PTPN3: variants seen among roughly 807,000 people sequenced by gnomAD.
The protein encoded by PTPN3 is tyrosine-protein phosphatase non-receptor type 3.
PTPN3 carries 96 observed loss-of-function variants against 132.7 expected under a neutral mutation model. The ratio of observed to expected loss-of-function variants is 0.72; its 90% confidence interval spans 0.61 to 0.86. PTPN3 has a LOEUF of 0.86. PTPN3 is among the 40% of genes least tolerant of loss of function. The probability of loss-of-function intolerance (pLI) is 0.00; values close to 1 mark genes in which losing one functional copy is unlikely to be tolerated. For synonymous variants in PTPN3, 398 were observed against 429.0 expected (o/e 0.93, Z 0.89); for missense variants, 1,125 against 1,159.6 (o/e 0.97, Z 0.43).
rs1838609698 is a variant in PTPN3 at position 109,376,998 on chromosome 9, C to T, written c.*2558G>A. On this transcript the variant is annotated 3_prime_UTR_variant, in exon 26 of 26. Transcript: ENST00000374541. ...GACCGTAATGGCTGCATTTCTGCAA[C>T]CATAATAAACAATTTGTTTTTGGAA... 1 of 152,152 alleles carries T rather than the reference C, an allele frequency of 6.6e-6. No homozygotes were observed. The highest frequency in any genetic ancestry group is 2.4e-5 in the African/African-American group (1 of 41,416). 9.4% of individuals were successfully genotyped at this position (152,152 alleles called of 1,614,324 possible).
chr9:109,432,945 G>A, intron 10 of PTPN3, 128 bp downstream of exon 10: 2 of 1,431,042 alleles, frequency 1.4e-6, no homozygotes, highest in South Asian at 3.1e-5. Flanking sequence ...AGAGGTCAGA[G>A]TAAAACTCGG....
At chr9:109,417,428 T>A (rs529130735) in intron 14 of PTPN3, among the ~76,000 whole-genome samples, 1 of 152,374 alleles carries the variant, frequency 6.6e-6, no homozygotes, top group Admixed American at 6.5e-5. Context: ...ATCCGATTTC[T>A]CTGACAGAAT....
the PTPN3 span, chr9:109,533,954 A>C: frequency 1.3e-6 from 1 of 757,048 alleles, no homozygotes; most frequent in East Asian, 2.4e-5. Flanking sequence ...ACCAGGACCT[A>C]TAACATGTGC....
chr9:109,489,934 C>T (rs112049103), intron 1 of PTPN3, among the ~76,000 whole-genome samples: 1,629 of 152,200 alleles, frequency 0.011, 28 homozygotes, highest in African/African-American at 0.037. Flanking sequence ...ATAATCCCAG[C>T]ACTTTGGGAG....
intron 10 of PTPN3, among the ~76,000 whole-genome samples, chr9:109,431,278 T>C (rs763874638): frequency 2.6e-5 from 4 of 152,246 alleles, no homozygotes; most frequent in African/African-American, 9.6e-5. Context: ...GCAGTGACCT[T>C]GTGGGACCCA....
At chr9:109,525,295 C>T in the PTPN3 span, among the ~76,000 whole-genome samples, 3 of 151,832 alleles carry the variant, frequency 2.0e-5, no homozygotes, top group Non-Finnish European at 4.4e-5. Flanking sequence ...TGAGCTCAAG[C>T]GATCCTCCCA....
chr9:109,433,834 G>T (rs1416865344), intron 9 of PTPN3, among the ~76,000 whole-genome samples: 1 of 151,138 alleles, frequency 6.6e-6, no homozygotes, highest in Non-Finnish European at 1.5e-5. Flanking sequence ...CTTAAGCCTG[G>T]GAAGTTGAGG....
intron 13 of PTPN3, among the ~76,000 whole-genome samples, chr9:109,420,878 G>C (rs1203511269): frequency 6.6e-6 from 1 of 152,110 alleles, no homozygotes; most frequent in Non-Finnish European, 1.5e-5. Flanking sequence ...GGAAGTGACG[G>C]GTATTGACTT....
At chr9:109,454,065 T>G (rs924526071) in intron 5 of PTPN3, among the ~76,000 whole-genome samples, 1 of 152,182 alleles carries the variant, frequency 6.6e-6, no homozygotes, top group Non-Finnish European at 1.5e-5. Context: ...TCTTGTTATC[T>G]TCAAGAGCCT....
chr9:109,435,399 G>A (rs1843972237), intron 9 of PTPN3, among the ~76,000 whole-genome samples: 1 of 152,180 alleles, frequency 6.6e-6, no homozygotes, highest in East Asian at 1.9e-4. Context: ...GCAGCTTCCT[G>A]TTCCCTTGTG....
chr9:109,464,521 T>A (rs1045521511), intron 1 of PTPN3, among the ~76,000 whole-genome samples: 1 of 152,180 alleles, frequency 6.6e-6, no homozygotes, highest in Non-Finnish European at 1.5e-5. Context: ...TTTACCTATA[T>A]AACAAACCTG....
the PTPN3 span, among the ~76,000 whole-genome samples, chr9:109,528,436 T>G: frequency 0.86 from 131,358 of 152,222 alleles, 56,759 homozygotes; most frequent in South Asian, 0.94. Context: ...CAATGAAGAG[T>G]ACCGATCTCA....
chr9:109,515,498 T>A, the PTPN3 span, among the ~76,000 whole-genome samples: 1 of 152,222 alleles, frequency 6.6e-6, no homozygotes, highest in Admixed American at 6.5e-5. Context: ...CCTGAGTTTG[T>A]CTTTTCCTTG....
intron 5 of PTPN3, chr9:109,450,504 C>T: frequency 1.0e-6 from 1 of 984,878 alleles, no homozygotes; most frequent in Non-Finnish European, 1.2e-6. Context: ...CACCACTCAC[C>T]AAATGCTGCC....
chr9:109,534,185 C>G, the PTPN3 span: 1 of 1,019,470 alleles, frequency 9.8e-7, no homozygotes. Context: ...TTGTCCCCGC[C>G]GGCAGGTGCT....
intron 14 of PTPN3, among the ~76,000 whole-genome samples, chr9:109,411,499 G>A (rs1842077173): frequency 6.6e-6 from 1 of 151,962 alleles, no homozygotes; most frequent in Non-Finnish European, 1.5e-5. Context: ...AGCCCCTTCC[G>A]GAGCCACAGG....
In PTPN3 at chr9:109,389,365, A is replaced by G; in HGVS notation, c.2121T>C (p.Ala707=). The G allele has an allele frequency of 6.2e-7, 1 of 1,613,602 alleles. No individual in the cohort carries two copies. The highest frequency in any genetic ancestry group is 8.5e-7 in the Non-Finnish European group (1 of 1,179,772). ...CGATGTACTTGTTCACAAGGTTAGCAGCAGGAATTTCCATCTGGTAAGAAA... is the reference window on the plus strand; with the variant it reads ...CGATGTACTTGTTCACAAGGTTAGCGGCAGGAATTTCCATCTGGTAAGAAA... ...NASYVNMEIP[A]ANLVNKYIAT... is the part of the protein sequence containing the mutation. The change falls in exon 22 of 26, where the codon GCT becomes GCC. Residue 707 remains alanine (A), a synonymous_variant. Coordinates refer to ENST00000374541, the MANE Select transcript of PTPN3 (RefSeq NM_002829.4).
At chr9:109,432,378 C>A (rs1293109604) in intron 10 of PTPN3, among the ~76,000 whole-genome samples, 1 of 152,108 alleles carries the variant, frequency 6.6e-6, no homozygotes, top group Non-Finnish European at 1.5e-5. Flanking sequence ...TGTCCTTTTC[C>A]ATCTGCATCT....
the PTPN3 span, among the ~76,000 whole-genome samples, chr9:109,515,802 C>T: frequency 6.6e-6 from 1 of 152,164 alleles, no homozygotes; most frequent in African/African-American, 2.4e-5. Context: ...AGAGTGAAAA[C>T]CCACTCGTTA....
Sources: allele counts gnomAD v4.1 joint callset (sites outside exome capture counted in the v4.1 genomes callset), GRCh38; gene constraint gnomAD v4.1.1; transcripts MANE v1.5; gene names NCBI Gene and HGNC (gene_info 2026-07-23, HGNC 2026-07-21).